DAB1: variants seen among roughly 807,000 people sequenced by gnomAD.
The protein encoded by DAB1 is disabled homolog 1.
Under a neutral mutation model 64.6 loss-of-function variants are expected in DAB1, and 15 were observed. The observed-to-expected ratio is 0.23, with a 90% CI of 0.16 to 0.36. The LOEUF (loss-of-function observed/expected upper bound fraction) is 0.36, where lower values mean the gene tolerates loss of function less well. DAB1 is among the 10% of genes least tolerant of loss of function. The pLI is 1.00. For synonymous variants in DAB1, 235 were observed against 251.9 expected (o/e 0.93, Z 0.64); for missense variants, 596 against 706.7 (o/e 0.84, Z 1.78).
At chr1:58,137,959 C>A (rs1054608520) in intron 5 of DAB1, among the ~76,000 whole-genome samples, 8 of 152,224 alleles carry the variant, frequency 5.3e-5, no homozygotes, top group Admixed American at 1.3e-4. Flanking sequence ...GAAGGTCTGA[C>A]ATTTGAGGGT....
At chr1:57,773,311 T>C (rs933626392) in intron 6 of DAB1, among the ~76,000 whole-genome samples, 3 of 151,404 alleles carry the variant, frequency 2.0e-5, no homozygotes, top group Non-Finnish European at 4.4e-5. Flanking sequence ...CCATTTTGAA[T>C]TGGATTATTT....
At chr1:57,797,277 G>A (rs539805635) in intron 6 of DAB1, among the ~76,000 whole-genome samples, 1 of 152,276 alleles carries the variant, frequency 6.6e-6, no homozygotes, top group Admixed American at 6.5e-5. Context: ...CCTGTCATAT[G>A]CTAAGAACTA....
At chr1:57,591,662 C>T (rs1443264947) in intron 7 of DAB1, among the ~76,000 whole-genome samples, 1 of 152,252 alleles carries the variant, frequency 6.6e-6, no homozygotes, top group East Asian at 1.9e-4. Context: ...ATATCTACTT[C>T]ACAGCATCAC....
At chr1:57,075,609 T>C (rs1477767119) in intron 4 of DAB1, among the ~76,000 whole-genome samples, 2 of 152,170 alleles carry the variant, frequency 1.3e-5, no homozygotes, top group African/African-American at 2.4e-5. Flanking sequence ...AAACTTAGAG[T>C]ATCATGCAAA....
chr1:58,477,173 A>G (rs1213295302), intron 3 of DAB1, among the ~76,000 whole-genome samples: 2 of 152,168 alleles, frequency 1.3e-5, no homozygotes, highest in African/African-American at 4.8e-5. Flanking sequence ...AAATGATGCC[A>G]TTTGTCCTTC....
intron 1 of DAB1, among the ~76,000 whole-genome samples, chr1:57,833,921 T>C (rs2101907282): frequency 6.6e-6 from 1 of 152,312 alleles, no homozygotes; most frequent in Middle Eastern, 3.4e-3. Flanking sequence ...CTTGAAAGTA[T>C]CATATTAAAT....
intron 2 of DAB1, among the ~76,000 whole-genome samples, chr1:57,255,555 G>A (rs1474286070): frequency 6.6e-6 from 1 of 152,130 alleles, no homozygotes; most frequent in Non-Finnish European, 1.5e-5. Context: ...AGCTATTTGG[G>A]AGGCTGAGGT....
chr1:57,877,053 A>T (rs772540266), intron 1 of DAB1, among the ~76,000 whole-genome samples: 2 of 152,096 alleles, frequency 1.3e-5, no homozygotes, highest in Non-Finnish European at 2.9e-5. Flanking sequence ...GTGAATATGT[A>T]TGTATAGATA....
intron 5 of DAB1, among the ~76,000 whole-genome samples, chr1:57,961,333 T>C (rs1159976993): frequency 6.6e-6 from 1 of 152,226 alleles, no homozygotes. Flanking sequence ...TATATCGTAC[T>C]GTGGAAAGCT....
At chr1:58,033,996 GC>G (rs1403759887) in intron 5 of DAB1, among the ~76,000 whole-genome samples, 1 of 152,114 alleles carries the variant, frequency 6.6e-6, no homozygotes, top group African/African-American at 2.4e-5. Context: ...CAGTGATCTT[GC>G]CACCTGGTAT....
At chr1:57,329,680 ACCCACAAAAC>A in intron 1 of DAB1, among the ~76,000 whole-genome samples, 1 of 141,616 alleles carries the variant, frequency 7.1e-6, no homozygotes. Context: ...AAAAAAAAAA[ACCCACAAAAC>A]AAAAACATAC....
At chr1:58,478,116 A>G (rs1433893211) in intron 3 of DAB1, among the ~76,000 whole-genome samples, 1 of 152,160 alleles carries the variant, frequency 6.6e-6, no homozygotes, top group Admixed American at 6.5e-5. Context: ...TAAGTGATTG[A>G]ATCATGGGGG....
chr1:58,469,893 C>A (rs966026266), intron 3 of DAB1, among the ~76,000 whole-genome samples: 4 of 151,608 alleles, frequency 2.6e-5, no homozygotes, highest in African/African-American at 9.7e-5. Flanking sequence ...AATAATAATA[C>A]TTAATATTTT....
intron 5 of DAB1, among the ~76,000 whole-genome samples, chr1:57,947,012 T>C (rs968559413): frequency 1.3e-5 from 2 of 152,216 alleles, no homozygotes; most frequent in Non-Finnish European, 2.9e-5. Flanking sequence ...ATAGTCTTAG[T>C]ATCATGGCAA....
intron 6 of DAB1, among the ~76,000 whole-genome samples, chr1:57,659,231 G>A (rs556645739): frequency 7.9e-5 from 12 of 152,280 alleles, no homozygotes; most frequent in Admixed American, 4.6e-4. Flanking sequence ...CACCAAGGCT[G>A]TAAAACACCC....
At chr1:57,801,103 C>G (rs1369721050) in intron 6 of DAB1, among the ~76,000 whole-genome samples, 1 of 152,246 alleles carries the variant, frequency 6.6e-6, no homozygotes, top group Non-Finnish European at 1.5e-5. Flanking sequence ...TAGCATTTCT[C>G]TTCACCCTCT....
chr1:58,281,215 C>G (rs1325842315), intron 4 of DAB1, among the ~76,000 whole-genome samples: 1 of 152,146 alleles, frequency 6.6e-6, no homozygotes, highest in African/African-American at 2.4e-5. Flanking sequence ...TTTGATGTGG[C>G]CATTGTTATC....
chr1:57,044,627 CAAAAGCAGA>C (rs760302796), intron 9 of DAB1, among the ~76,000 whole-genome samples: 5 of 152,066 alleles, frequency 3.3e-5, no homozygotes, highest in Non-Finnish European at 7.4e-5. Context: ...CCATAGATAC[CAAAAGCAGA>C]AAGTGTCTTT....
intron 5 of DAB1, among the ~76,000 whole-genome samples, chr1:57,890,463 T>C (rs1311586048): frequency 6.7e-6 from 1 of 149,916 alleles, no homozygotes; most frequent in Admixed American, 6.6e-5. Context: ...TTTCTTTTTT[T>C]TTTTTTTCTT....
Sources: allele counts gnomAD v4.1 joint callset (sites outside exome capture counted in the v4.1 genomes callset), GRCh38; gene constraint gnomAD v4.1.1; transcripts MANE v1.5; gene names NCBI Gene and HGNC (gene_info 2026-07-23, HGNC 2026-07-21).